PPFIA1: variants seen among roughly 807,000 people sequenced by gnomAD.
PPFIA1 encodes PPFI scaffold protein A1.
In PPFIA1, 25 loss-of-function variants were observed where a neutral mutation model predicts 149.9. The observed-to-expected ratio is 0.17, with a 90% CI of 0.12 to 0.23. PPFIA1 has a LOEUF of 0.23. Among genes scored for constraint, PPFIA1 ranks in the 10% least tolerant of loss-of-function variants. The pLI, the probability that PPFIA1 is intolerant of heterozygous loss-of-function variation, is 1.00. For missense variants in PPFIA1, 1,362 were observed against 1,506.5 expected, an observed-to-expected ratio of 0.90 and a Z score of 1.59; for synonymous variants, 549 against 552.8, an observed-to-expected ratio of 0.99 and a Z score of 0.10.
chr11:70,338,362 G>C lies in PPFIA1; in HGVS notation c.1492-12G>C. Reference sequence around the variant, plus strand: ...GAGATAGCAGTAATGTAAGTCTTTTGCTTTTCTGTAGGATCAGCTTGTCCT... The same window carrying C: ...GAGATAGCAGTAATGTAAGTCTTTTCCTTTTCTGTAGGATCAGCTTGTCCT... On this transcript the variant is annotated splice_polypyrimidine_tract_variant and intron_variant, in intron 12 of 27. Transcript: ENST00000253925. 6.2e-7 allele frequency: 1 copy of C among 1,601,318 alleles called. No homozygotes were observed.
intron 8 of PPFIA1, among the ~76,000 whole-genome samples, chr11:70,331,523 T>C (rs1381114109): frequency 2.0e-5 from 3 of 152,172 alleles, no homozygotes; most frequent in African/African-American, 7.2e-5. Flanking sequence ...CGCACACCTG[T>C]AATCCCACCA....
chr11:70,274,813 G>T (rs865867361), intron 2 of PPFIA1, among the ~76,000 whole-genome samples: 3 of 152,120 alleles, frequency 2.0e-5, no homozygotes, highest in South Asian at 4.2e-4. Context: ...CCACCTCCCA[G>T]GTTGAAGCGA....
intron 2 of PPFIA1, among the ~76,000 whole-genome samples, chr11:70,295,466 C>T (rs376924583): frequency 3.1e-4 from 41 of 133,530 alleles, no homozygotes; most frequent in Middle Eastern, 5.1e-3. Context: ...CGGGCAGAGG[C>T]GCCCCTCACC....
intron 1 of PPFIA1, chr11:70,271,905 A>G: frequency 2.9e-6 from 1 of 349,560 alleles, no homozygotes. Flanking sequence ...AGACTACCCC[A>G]GGGCTTGCCC....
chr11:70,316,181 C>T (rs934142302), intron 2 of PPFIA1, among the ~76,000 whole-genome samples: 2 of 152,152 alleles, frequency 1.3e-5, no homozygotes, highest in African/African-American at 4.8e-5. Context: ...AAGTGATTCT[C>T]ATGCCTCAGC....
intron 21 of PPFIA1, among the ~76,000 whole-genome samples, chr11:70,370,297 A>C (rs983954154): frequency 6.6e-6 from 1 of 150,492 alleles, no homozygotes; most frequent in South Asian, 2.1e-4. Context: ...ATTTGCTGTT[A>C]TTTTTCTGTT....
intron 21 of PPFIA1, chr11:70,367,779 T>C (rs2057020490): frequency 2.8e-6 from 1 of 360,340 alleles, no homozygotes; most frequent in Non-Finnish European, 5.4e-6. Flanking sequence ...CTTTGTTTAA[T>C]TTCCCCATTT....
Position 70,287,267 on chromosome 11 carries a change from C to G in PPFIA1, c.264+14831C>G, listed in dbSNP as rs80218431. On this transcript the variant is annotated intron_variant, in intron 2 of 27. Coordinates refer to ENST00000253925, the MANE Select transcript of PPFIA1 (RefSeq NM_003626.5). Reference sequence around the variant, plus strand: ...TCATCACATCCTGGCCCAGCGCCTCCCTGCTCTCCCAGTTGTGGATAGTTC... The same window carrying G: ...TCATCACATCCTGGCCCAGCGCCTCGCTGCTCTCCCAGTTGTGGATAGTTC... Among the ~76,000 whole-genome samples, 488 of 152,288 alleles carry G rather than the reference C, an allele frequency of 3.2e-3. 3 individuals carry two copies. The highest frequency in any genetic ancestry group is 0.011 in the African/African-American group (468 of 41,568).
At chr11:70,372,616 G>T in intron 23 of PPFIA1, 42 bp downstream of exon 23, 1 of 1,519,814 alleles carries the variant, frequency 6.6e-7, no homozygotes. Context: ...ACTCCTACTT[G>T]CTGGTGTGTT....
At chr11:70,349,055 C>G (rs12099016) in intron 16 of PPFIA1, among the ~76,000 whole-genome samples, 26,316 of 147,212 alleles carry the variant, frequency 0.18, 2,979 homozygotes, top group African/African-American at 0.32. Flanking sequence ...GACATCAGAG[C>G]ATATGGGAAA....
At chr11:70,272,097 A>T in intron 1 of PPFIA1, 76 bp from the exon 2 acceptor site, 1 of 1,459,660 alleles carries the variant, frequency 6.9e-7, no homozygotes, top group South Asian at 1.3e-5. Flanking sequence ...TTAGCTACAG[A>T]TACCTGTAAA....
chr11:70,306,670 C>A (rs1207876695), intron 2 of PPFIA1, among the ~76,000 whole-genome samples: 1 of 152,048 alleles, frequency 6.6e-6, no homozygotes, highest in Admixed American at 6.6e-5. Flanking sequence ...GAAGCTATTA[C>A]AAAGAAGAAT....
chr11:70,330,348 C>T (rs1565403817), intron 8 of PPFIA1, 29 bp downstream of exon 8: 2 of 1,523,270 alleles, frequency 1.3e-6, no homozygotes, highest in East Asian at 2.4e-5. Context: ...CTTTGTCTGG[C>T]TTTAGTTAAT....
At chr11:70,314,549 A>G (rs2053480426) in intron 2 of PPFIA1, among the ~76,000 whole-genome samples, 1 of 152,262 alleles carries the variant, frequency 6.6e-6, no homozygotes, top group African/African-American at 2.4e-5. Flanking sequence ...CTCATTCCCA[A>G]CTGTAGTGGG....
intron 2 of PPFIA1, among the ~76,000 whole-genome samples, chr11:70,301,081 TAGA>T (rs1591120536): frequency 6.6e-6 from 1 of 152,352 alleles, no homozygotes; most frequent in East Asian, 1.9e-4. Flanking sequence ...ACATACCTGT[TAGA>T]AGTTTTGGGT....
chr11:70,340,512 T>G (rs1366641657), intron 14 of PPFIA1, among the ~76,000 whole-genome samples: 1 of 152,242 alleles, frequency 6.6e-6, no homozygotes, highest in African/African-American at 2.4e-5. Flanking sequence ...TTTGAACGTT[T>G]ACCTTCTTTC....
intron 2 of PPFIA1, among the ~76,000 whole-genome samples, chr11:70,314,203 G>A (rs574164185): frequency 1.0e-3 from 156 of 152,284 alleles, no homozygotes; most frequent in African/African-American, 3.4e-3. Context: ...AGAGATGGGG[G>A]TGAACAGTCA....
chr11:70,272,099 A>T, intron 1 of PPFIA1, 74 bp from the exon 2 acceptor site: 1 of 1,468,176 alleles, frequency 6.8e-7, no homozygotes, highest in South Asian at 1.3e-5. Context: ...AGCTACAGAT[A>T]CCTGTAAAGT....
rs1265823775 is a variant in PPFIA1, at chr11:70,374,911, T to A, written c.3140-7T>A. ...CCACTTTTATAATTGTCTTTATTCT[T>A]TTGCAGACGTGCTTGTTTGGAGCAA... On this transcript the variant is annotated splice_region_variant and splice_polypyrimidine_tract_variant and intron_variant, in intron 23 of 27. Transcript: ENST00000253925. 6 of 1,610,576 alleles carry A rather than the reference T, an allele frequency of 3.7e-6. No homozygotes were observed. The highest frequency in any genetic ancestry group is 5.1e-6 in the Non-Finnish European group (6 of 1,178,914).
Sources: allele counts gnomAD v4.1 joint callset (sites outside exome capture counted in the v4.1 genomes callset), GRCh38; gene constraint gnomAD v4.1.1; transcripts MANE v1.5; gene names NCBI Gene and HGNC (gene_info 2026-07-23, HGNC 2026-07-21).